Variants in FBXL18 observed in about 807,000 individuals in gnomAD.
FBXL18 encodes the protein F-box/LRR-repeat protein 18.
FBXL18 carries 36 observed loss-of-function variants against 46.0 expected under a neutral mutation model. The observed-to-expected ratio is 0.78, with a 90% CI of 0.60 to 1.03. FBXL18 has a LOEUF of 1.03. FBXL18 is among the 50% of genes least tolerant of loss of function. The pLI is 0.00. For missense variants in FBXL18, 977 were observed against 1,004.1 expected (o/e 0.97, Z 0.36); for synonymous variants, 557 against 465.3 (o/e 1.20, Z -2.54).
intron 3 of FBXL18, among the ~76,000 whole-genome samples, 189 bp from the exon 4 acceptor site, chr7:5,491,638 T>G (rs1221266574): frequency 1.3e-5 from 2 of 152,048 alleles, no homozygotes; most frequent in Non-Finnish European, 1.5e-5. Flanking sequence ...GGGTCCCCCT[T>G]GGAGATCTGA....
intron 4 of FBXL18, among the ~76,000 whole-genome samples, chr7:5,467,565 C>A (rs995268519): frequency 2.0e-5 from 3 of 151,024 alleles, no homozygotes; most frequent in Non-Finnish European, 4.4e-5. Context: ...AAAAAGAAAT[C>A]AGGGAACTTT....
At chr7:5,467,985 T>TC (rs1401102204) in intron 4 of FBXL18, among the ~76,000 whole-genome samples, 2 of 150,666 alleles carry the variant, frequency 1.3e-5, no homozygotes, top group Non-Finnish European at 3.0e-5. Flanking sequence ...CCTCGAACTT[T>TC]TTTTTTTTTT....
chr7:5,495,039 G>A, intron 3 of FBXL18, among the ~76,000 whole-genome samples: 1 of 152,118 alleles, frequency 6.6e-6, no homozygotes, highest in Non-Finnish European at 1.5e-5. Flanking sequence ...GCCGCCTGGG[G>A]CACGGCACCC....
intron 1 of FBXL18, among the ~76,000 whole-genome samples, chr7:5,506,667 G>T (rs1021616821): frequency 6.6e-6 from 1 of 151,126 alleles, no homozygotes; most frequent in East Asian, 2.0e-4. Context: ...GGAGATTTTC[G>T]TGCCTCAGCC....
Position 5,496,834 on chromosome 7 carries a change from TG to T in FBXL18, c.1781+3653del, listed in dbSNP as rs1345626824. Among the ~76,000 whole-genome samples, 1 of 151,804 alleles carries T rather than the reference TG, an allele frequency of 6.6e-6. No individual in the cohort carries two copies. Among genetic ancestry groups the T allele is most frequent in the Admixed American group, 6.6e-5 (1 of 15,230 alleles). ...TGAGGTCAGGAGTTCGAGACCAGCCTGGCCAACATGGTGAAACCCCGTCTCT... is the reference window on the plus strand; with the variant it reads ...TGAGGTCAGGAGTTCGAGACCAGCCTGCCAACATGGTGAAACCCCGTCTCT... On this transcript the variant is annotated intron_variant, in intron 3 of 4. Transcript: ENST00000382368. The surrounding 1 kb of genome is among the most constrained non-coding windows in gnomAD (Gnocchi z 4.8).
chr7:5,497,795 T>C (rs1273148362), intron 3 of FBXL18, among the ~76,000 whole-genome samples: 3 of 152,192 alleles, frequency 2.0e-5, no homozygotes, highest in Non-Finnish European at 4.4e-5. Flanking sequence ...AAGGCTGCAA[T>C]CGCAGCAGAT....
rs1425266500 is a variant in FBXL18 at position 5,496,284 on chromosome 7, C to A, written c.1781+4204G>T. ...AAGCACCTGGCAGAGGTCACATGAG[C>A]CCAAAGGTCCCCTCCACCCGCGGTG... is the stretch of plus-strand genomic sequence containing the variant. On this transcript the variant is annotated intron_variant, in intron 3 of 4. Transcript: ENST00000382368. The surrounding 1 kb of genome is among the most constrained non-coding windows in gnomAD (Gnocchi z 4.8). Among the ~76,000 whole-genome samples the A allele has an allele frequency of 6.6e-6, 1 of 152,188 alleles. No individual in the cohort carries two copies.
chr7:5,474,792 C>A (rs890627363), downstream of FBXL18, among the ~76,000 whole-genome samples: 5 of 150,904 alleles, frequency 3.3e-5, no homozygotes, highest in Admixed American at 1.3e-4. Context: ...ACTGCAAGCT[C>A]CGCCTCCCGG....
chr7:5,489,857 G>A, intron 4 of FBXL18: 1 of 491,656 alleles, frequency 2.0e-6, no homozygotes, highest in South Asian at 2.0e-5. Flanking sequence ...TCAGGAGGCT[G>A]AGGTTGCAAC....
rs141339024 is a variant in FBXL18, at chr7:5,513,766, C to A, written c.-92G>T. On this transcript the variant is annotated 5_prime_UTR_variant, in exon 1 of 5. Transcript: ENST00000382368. Reference sequence around the variant, plus strand: ...GGATGCTCGAAGCCGGCGCGTCCACCGCTCAACCGAGACCCCGGCAAGGAG... The same window carrying A: ...GGATGCTCGAAGCCGGCGCGTCCACAGCTCAACCGAGACCCCGGCAAGGAG... 81 of 1,514,194 alleles carry A rather than the reference C, an allele frequency of 5.3e-5. No homozygotes were observed. In the Middle Eastern group the frequency reaches 1.5e-3, roughly 28 times the overall value. 93.8% of individuals were successfully genotyped at this position (1,514,194 alleles called of 1,614,324 possible).
intron 4 of FBXL18, chr7:5,489,830 C>A: frequency 2.6e-6 from 1 of 388,534 alleles, no homozygotes. Context: ...GTGGTGCACA[C>A]TTGTAATCCC....
intron 3 of FBXL18, among the ~76,000 whole-genome samples, chr7:5,493,755 TC>T (rs1431530993): frequency 2.6e-5 from 4 of 151,842 alleles, no homozygotes; most frequent in African/African-American, 9.7e-5. Flanking sequence ...GCTCAAGCAA[TC>T]CTCCTGCCTC....
intron 3 of FBXL18, among the ~76,000 whole-genome samples, chr7:5,499,215 G>A (rs955028854): frequency 2.0e-5 from 3 of 152,126 alleles, no homozygotes; most frequent in Admixed American, 6.6e-5. Flanking sequence ...AGTCCATCTG[G>A]GATGCCCAGG....
rs548547954 is a variant in FBXL18, at chr7:5,481,949, G to A, written c.2001-18C>T. ...CCTGGAAGCTGAACCAGAGACAGGC[G>A]GTCAGCGGATTACATGGGTGGCCAC... is the stretch of plus-strand genomic sequence containing the variant. On this transcript the variant is annotated intron_variant, in intron 4 of 4. Coordinates refer to ENST00000382368, the MANE Select transcript of FBXL18 (RefSeq NM_024963.6). 2.0e-5 allele frequency: 32 copies of A among 1,588,082 alleles called. 1 individual carries two copies. In the East Asian group the frequency reaches 4.5e-4, roughly 22 times the overall value.
intron 1 of FBXL18, among the ~76,000 whole-genome samples, chr7:5,512,064 T>A: frequency 7.7e-6 from 1 of 129,922 alleles, no homozygotes; most frequent in Non-Finnish European, 1.7e-5. Flanking sequence ...TGAAACCCCG[T>A]CTCTAGTAAA....
intron 1 of FBXL18, among the ~76,000 whole-genome samples, chr7:5,512,528 C>A (rs1784567587): frequency 6.6e-6 from 1 of 152,070 alleles, no homozygotes; most frequent in Non-Finnish European, 1.5e-5. Context: ...GAAGGGGAAT[C>A]GCTTGAGCAG....
intron 3 of FBXL18, among the ~76,000 whole-genome samples, chr7:5,497,944 C>T (rs1326024587): frequency 1.3e-5 from 2 of 152,160 alleles, no homozygotes; most frequent in Admixed American, 6.6e-5. Context: ...CCCACCCCAC[C>T]AGCTAAGGAC....
At chr7:5,467,508 C>G (rs35418889) in intron 4 of FBXL18, among the ~76,000 whole-genome samples, 1 of 150,776 alleles carries the variant, frequency 6.6e-6, no homozygotes, top group African/African-American at 2.4e-5. Flanking sequence ...ATCACACCAC[C>G]GCACCCCAGC....
In FBXL18 at chr7:5,513,807, T is replaced by C. The variant is rs1425391923; in HGVS notation, c.-133A>G. 1.6e-6 allele frequency: 2 copies of C among 1,285,166 alleles called. No homozygotes were observed. Among genetic ancestry groups the C allele is most frequent in the Non-Finnish European group, 2.1e-6 (2 of 944,448 alleles). The allele number at this position is 1,285,166 out of a possible 1,614,324, so 79.6% of individuals were successfully genotyped here. On this transcript the variant is annotated 5_prime_UTR_variant, in exon 1 of 5. Transcript: ENST00000382368. ...CGGCAAGGAGCGGGCTCTCGTCACT[T>C]CCGGCGCCCGCCTACACGCACTTCC...
Sources: gnomAD v4.1 joint callset for allele counts (sites outside exome capture counted in the v4.1 genomes callset) on GRCh38, gnomAD v4.1.1 for gene constraint, Gnocchi (gnomAD v3.1) non-coding constraint, MANE v1.5 for transcripts, NCBI Gene and HGNC (gene_info 2026-07-23, HGNC 2026-07-21) for gene names.